NFX1: variants seen among roughly 807,000 people sequenced by gnomAD.
NFX1 encodes the protein nuclear transcription factor, X-box binding 1.
Under a neutral mutation model 137.2 loss-of-function variants are expected in NFX1, and 69 were observed. The ratio of observed to expected loss-of-function variants is 0.50; its 90% CI spans 0.41 to 0.61. NFX1 has a LOEUF of 0.61. NFX1 is among the 20% of genes least tolerant of loss of function. The pLI is 0.00. For synonymous variants in NFX1, 495 were observed against 474.1 expected, an observed-to-expected ratio of 1.04 and a Z score of -0.57; for missense variants, 1,167 against 1,391.0, an observed-to-expected ratio of 0.84 and a Z score of 2.56.
intron 11 of NFX1, among the ~76,000 whole-genome samples, chr9:33,333,626 A>T (rs1053519671): frequency 2.0e-5 from 3 of 152,196 alleles, no homozygotes; most frequent in Admixed American, 1.3e-4. Flanking sequence ...ACCTGTAACT[A>T]GCAAAGTGAA....
chr9:33,324,944 G>A (rs112443114), intron 9 of NFX1, among the ~76,000 whole-genome samples: 2 of 147,970 alleles, frequency 1.4e-5, no homozygotes, highest in African/African-American at 2.6e-5. Flanking sequence ...AAAAAAAAAA[G>A]AAAGAGATTA....
rs140790123 is a variant in NFX1, at chr9:33,313,698, A to G, written c.1493A>G (p.Asn498Ser). Residue 498 changes from asparagine (N) to serine (S), a missense_variant, in exon 7 of 24, where the codon AAC (asparagine) becomes AGC (serine). By Grantham distance (46) the Asn-to-Ser change is conservative. Transcript: ENST00000379540. ...CAGGCTGTCTCAGTCCACTGTTCTA[A>G]CCCATGTGAGAATATTTTGAACTGT... ...CGQAVSVHCS[N>S]PCENILNCGQ... 7.7e-4 allele frequency: 1,239 copies of G among 1,614,092 alleles called. 1 individual carries two copies. The highest frequency in any genetic ancestry group is 9.6e-4 in the Non-Finnish European group (1,138 of 1,180,010).
At chr9:33,293,019 T>C (rs1821218394) in intron 1 of NFX1, among the ~76,000 whole-genome samples, 1 of 152,236 alleles carries the variant, frequency 6.6e-6, no homozygotes, top group African/African-American at 2.4e-5. Context: ...GTGAAAGCTT[T>C]CAGGACAAAT....
At chr9:33,365,769 T>G (rs952684648) in intron 21 of NFX1, 1 of 152,180 alleles carries the variant, frequency 6.6e-6, no homozygotes, top group African/African-American at 2.4e-5. Flanking sequence ...AGGGCTATTG[T>G]ATGCTAGGAA....
At chr9:33,363,939 G>A in intron 19 of NFX1, 71 bp from the exon 20 acceptor site, 2 of 938,930 alleles carry the variant, frequency 2.1e-6, no homozygotes, top group Non-Finnish European at 3.1e-6. Context: ...GGATATAGTA[G>A]GCACTCGGGG....
rs1477602304 is a variant in NFX1 at position 33,318,970 on chromosome 9, A to T, written c.1749A>T (p.Gln583His). 6.2e-7 allele frequency: 1 copy of T among 1,614,198 alleles called. No individual in the cohort carries two copies. Residue 583 changes from glutamine (Q) to histidine (H), a missense_variant, in exon 9 of 24, where the codon CAA (glutamine) becomes CAT (histidine). Gln to His is a conservative substitution (Grantham distance 24). Transcript: ENST00000379540. Reference protein sequence around the residue: ...SQVCHPQPCQQCPRLPQLVRC... With the variant: ...SQVCHPQPCQHCPRLPQLVRC... ...TGTGCCACCCTCAGCCCTGCCAGCA[A>T]TGCCCACGGCTCCCCCAGCTGGTGC... is the stretch of plus-strand genomic sequence containing the variant.
intron 9 of NFX1, among the ~76,000 whole-genome samples, chr9:33,320,066 A>T (rs1326144262): frequency 1.3e-5 from 2 of 151,648 alleles, no homozygotes; most frequent in African/African-American, 4.8e-5. Flanking sequence ...GGTTCAAGCA[A>T]TTCTCCTGCC....
At chr9:33,306,796 C>G (rs1273898002) in intron 4 of NFX1, among the ~76,000 whole-genome samples, 3 of 152,298 alleles carry the variant, frequency 2.0e-5, no homozygotes, top group Middle Eastern at 3.4e-3. Context: ...TGCCTCCCCC[C>G]TTTCCCCACG....
chr9:33,354,743 G>T, intron 18 of NFX1, 108 bp from the exon 19 acceptor site: 2 of 1,028,086 alleles, frequency 1.9e-6, no homozygotes, highest in South Asian at 1.9e-5. Context: ...ATTGTTTTTT[G>T]GCAAGAGTCA....
intron 3 of NFX1, among the ~76,000 whole-genome samples, chr9:33,302,083 A>C (rs758538041): frequency 1.3e-5 from 2 of 152,132 alleles, no homozygotes; most frequent in Non-Finnish European, 2.9e-5. Flanking sequence ...AACAAACAAA[A>C]AAACATTTTT....
chr9:33,354,009 G>A, intron 17 of NFX1, 77 bp from the exon 18 acceptor site: 3 of 1,347,002 alleles, frequency 2.2e-6, no homozygotes, highest in South Asian at 1.4e-5. Context: ...TTTTAAAGAG[G>A]TCTTCTGTAT....
chr9:33,313,913 G>C (rs911534765), intron 7 of NFX1, 120 bp downstream of exon 7: 63 of 934,282 alleles, frequency 6.7e-5, no homozygotes, highest in Non-Finnish European at 9.5e-5. Flanking sequence ...TGAGTAGAGA[G>C]AACTGGAGAT....
chr9:33,303,449 G>A (rs574999177), intron 4 of NFX1, among the ~76,000 whole-genome samples, 181 bp downstream of exon 4: 1 of 148,722 alleles, frequency 6.7e-6, no homozygotes, highest in African/African-American at 2.6e-5. Flanking sequence ...TGTGCTCCTG[G>A]CAAGCTGTTC....
At chr9:33,303,379 C>A in intron 4 of NFX1, 111 bp downstream of exon 4, 3 of 846,560 alleles carry the variant, frequency 3.5e-6, no homozygotes, top group Non-Finnish European at 3.9e-6. Flanking sequence ...GACTTCAAAG[C>A]TCTAGGAGTC....
chr9:33,333,336 G>A (rs541019118), intron 11 of NFX1, among the ~76,000 whole-genome samples: 1 of 152,216 alleles, frequency 6.6e-6, no homozygotes, highest in Admixed American at 6.5e-5. Flanking sequence ...CGATAAGGGT[G>A]TTTACTGCCA....
In NFX1 at chr9:33,351,657, G is replaced by A. The variant is rs770450230; in HGVS notation, c.2522G>A (p.Cys841Tyr). 1 of 1,614,168 alleles carries A rather than the reference G, an allele frequency of 6.2e-7. No homozygotes were observed. Among genetic ancestry groups the A allele is most frequent in the Non-Finnish European group, 8.5e-7 (1 of 1,180,038 alleles). Residue 841 changes from cysteine (C) to tyrosine (Y), a missense_variant, in exon 16 of 24, where the codon TGT becomes TAT. By Grantham distance (194) the Cys-to-Tyr change is radical. Coordinates refer to ENST00000379540, the MANE Select transcript of NFX1 (RefSeq NM_002504.6). ...GGGATGCACAAATGTCAGAGACTCT[G>A]TCACAAAGGGGAGTGTCTTGTGGAT... ...PCGMHKCQRL[C>Y]HKGECLVDEP... is the part of the protein sequence containing the mutation.
At chr9:33,296,616 T>A (rs918731057) in intron 2 of NFX1, among the ~76,000 whole-genome samples, 3 of 152,182 alleles carry the variant, frequency 2.0e-5, no homozygotes, top group Admixed American at 6.5e-5. Flanking sequence ...ATGCCTGTAG[T>A]CCCAGACACT....
At chr9:33,291,988 T>C (rs1398378128) in intron 1 of NFX1, among the ~76,000 whole-genome samples, 1 of 152,210 alleles carries the variant, frequency 6.6e-6, no homozygotes, top group Non-Finnish European at 1.5e-5. Flanking sequence ...GGAAAACTTT[T>C]TGGGCTGGGT....
Position 33,354,849 on chromosome 9 carries a change from A to G in NFX1, c.2832-2A>G. On this transcript the variant is annotated splice_acceptor_variant, in intron 18 of 23. Coordinates refer to ENST00000379540, the MANE Select transcript of NFX1 (RefSeq NM_002504.6). LOFTEE classifies it high-confidence loss of function. ...TTAATTTTTTTTCATTTGCTTATCA[A>G]GGCTGGAGTGTGATGAGGAGTGTTC... is the stretch of plus-strand genomic sequence containing the variant. The G allele has an allele frequency of 2.5e-6, 4 of 1,613,500 alleles. No individual in the cohort carries two copies. Among genetic ancestry groups the G allele is most frequent in the Non-Finnish European group, 3.4e-6 (4 of 1,179,778 alleles).
Sources: gnomAD v4.1 joint callset for allele counts (sites outside exome capture counted in the v4.1 genomes callset) on GRCh38, gnomAD v4.1.1 for gene constraint, MANE v1.5 for transcripts, NCBI Gene and HGNC (gene_info 2026-07-23, HGNC 2026-07-21) for gene names.